Variants in UBR2 observed in about 807,000 individuals in gnomAD.
UBR2 encodes the protein ubiquitin protein ligase E3 component n-recognin 2.
A neutral mutation model predicts 247.9 loss-of-function variants in UBR2; 92 were observed. The observed-to-expected ratio is 0.37, with a 90% CI of 0.31 to 0.44. The LOEUF is 0.44. Among genes scored for constraint, UBR2 ranks in the 20% least tolerant of loss-of-function variants. The probability of loss-of-function intolerance (pLI) is 1.00; values close to 1 mark genes in which losing one functional copy is unlikely to be tolerated. For missense variants in UBR2, 1,613 were observed against 2,112.6 expected (o/e 0.76, Z 4.64); for synonymous variants, 672 against 693.5 (o/e 0.97, Z 0.49).
intron 11 of UBR2, among the ~76,000 whole-genome samples, chr6:42,630,191 T>TC (rs1795622751): frequency 6.6e-6 from 1 of 151,478 alleles, no homozygotes; most frequent in Non-Finnish European, 1.5e-5. Context: ...TTTACTTTTT[T>TC]TTTTTTTTTA....
chr6:42,621,040 C>G (rs1285308435), intron 11 of UBR2, among the ~76,000 whole-genome samples: 1 of 152,116 alleles, frequency 6.6e-6, no homozygotes, highest in African/African-American at 2.4e-5. Flanking sequence ...ACAGACTGGT[C>G]TCAAACTTCT....
intron 42 of UBR2, among the ~76,000 whole-genome samples, chr6:42,680,934 C>T (rs58031590): frequency 0.24 from 37,124 of 151,730 alleles, 4,654 homozygotes; most frequent in African/African-American, 0.31. Context: ...GAGGCCCAGA[C>T]GGGCGGATCA....
intron 42 of UBR2, among the ~76,000 whole-genome samples, chr6:42,681,095 G>A (rs944518079): frequency 3.3e-5 from 5 of 151,128 alleles, no homozygotes; most frequent in Admixed American, 6.6e-5. Flanking sequence ...CCCGGGAGGC[G>A]GAGCTTGCAG....
intron 4 of UBR2, 47 bp from the exon 5 acceptor site, chr6:42,603,541 T>A: frequency 6.8e-7 from 1 of 1,477,320 alleles, no homozygotes; most frequent in South Asian, 1.4e-5. Flanking sequence ...TTAATGTACA[T>A]GATTGCCCTT....
intron 11 of UBR2, 72 bp from the exon 12 acceptor site, chr6:42,632,480 G>A: frequency 7.4e-7 from 1 of 1,350,790 alleles, no homozygotes; most frequent in South Asian, 1.8e-5. Flanking sequence ...AAACAATGTT[G>A]GTGACTTTTT....
chr6:42,580,520 A>G (rs1791811775), intron 2 of UBR2, among the ~76,000 whole-genome samples: 1 of 151,776 alleles, frequency 6.6e-6, no homozygotes, highest in African/African-American at 2.4e-5. Context: ...ATATTTACAT[A>G]TGTCAAAAGA....
chr6:42,571,754 AAAG>A (rs1180356476), intron 1 of UBR2, among the ~76,000 whole-genome samples: 1 of 151,608 alleles, frequency 6.6e-6, no homozygotes, highest in East Asian at 1.9e-4. Flanking sequence ...AAAAAAAAAA[AAAG>A]CGCTTAGGAT....
chr6:42,664,672 C>T (rs1314351651), intron 32 of UBR2, among the ~76,000 whole-genome samples: 2 of 152,206 alleles, frequency 1.3e-5, no homozygotes, highest in East Asian at 3.8e-4. Flanking sequence ...GTGGTACTGA[C>T]TTATCTGCAT....
Position 42,659,682 on chromosome 6 carries a change from C to T in UBR2, c.3269C>T (p.Thr1090Ile), listed in dbSNP as rs764143663. ...HSPVASDMTLTALGPAQTQVP... is the reference protein window; with the variant it reads ...HSPVASDMTLIALGPAQTQVP... ...CCTGTGGCTTCAGATATGACACTTA[C>T]AGCACTGGGCCCCGCACAAACTCAG... is the stretch of plus-strand genomic sequence containing the variant. Residue 1090 changes from threonine to isoleucine, a missense_variant, in exon 30 of 47, where the codon ACA becomes ATA. Thr to Ile is a moderately conservative substitution (Grantham distance 89). Around this residue, in one of 3 missense-constraint regions of UBR2, gnomAD observed 1,524 missense variants for 1,967.3 expected, o/e 0.77. Transcript: ENST00000372901. This position sits in a 1 kb window ranked among gnomAD's most constrained non-coding sequence, Gnocchi z 4.3. 1 of 1,613,798 alleles carries T rather than the reference C, an allele frequency of 6.2e-7. No individual in the cohort carries two copies. Among genetic ancestry groups the T allele is most frequent in the South Asian group, 1.1e-5 (1 of 91,048 alleles).
rs943002905 is a variant in UBR2, at chr6:42,666,213, C to T, written c.3849C>T (p.Leu1283=). Residue 1283 remains leucine, a synonymous_variant, in exon 34 of 47, where the codon CTC becomes CTT. Transcript: ENST00000372901. The part of the protein sequence containing the change: ...KNSENVDELQ[L]PEGFRPDFRP... ...CAGAAAATGTGGATGAATTACAGCT[C>T]CCTGAAGGGTTCAGGCCTGATTTTC... The T allele has an allele frequency of 1.1e-5, 17 of 1,612,846 alleles. No individual in the cohort carries two copies. Among genetic ancestry groups the T allele is most frequent in the Non-Finnish European group, 1.4e-5 (17 of 1,179,416 alleles).
chr6:42,604,044 A>G (rs975917910), intron 5 of UBR2, among the ~76,000 whole-genome samples: 4 of 152,164 alleles, frequency 2.6e-5, no homozygotes, highest in Admixed American at 2.0e-4. Flanking sequence ...TTTGTTTATT[A>G]TATGTTAATA....
chr6:42,614,326 G>GTATA (rs1554250274), intron 8 of UBR2, among the ~76,000 whole-genome samples: 3 of 65,426 alleles, frequency 4.6e-5, no homozygotes, highest in South Asian at 5.1e-4. Context: ...ATGTATATAT[G>GTATA]TGTATATGTG....
At chr6:42,650,170 A>C in intron 22 of UBR2, 114 bp from the exon 23 acceptor site, 1 of 783,992 alleles carries the variant, frequency 1.3e-6, no homozygotes, top group Non-Finnish European at 2.0e-6. Context: ...TTGTAGCTTA[A>C]CACCCACCAG....
intron 11 of UBR2, among the ~76,000 whole-genome samples, chr6:42,623,012 C>T (rs1028229662): frequency 2.6e-5 from 4 of 152,030 alleles, no homozygotes; most frequent in African/African-American, 9.7e-5. Flanking sequence ...AATCATATCA[C>T]TTGTCATTCA....
intron 13 of UBR2, among the ~76,000 whole-genome samples, chr6:42,633,274 A>T (rs1039737936): frequency 1.3e-5 from 2 of 152,152 alleles, no homozygotes; most frequent in African/African-American, 4.8e-5. Flanking sequence ...GATGGCTGCA[A>T]TTCTGACCAG....
intron 2 of UBR2, among the ~76,000 whole-genome samples, chr6:42,590,062 C>T (rs565937935): frequency 2.6e-5 from 4 of 151,990 alleles, no homozygotes; most frequent in East Asian, 1.9e-4. Flanking sequence ...TGTTCCATTC[C>T]GAAGACTCCA....
chr6:42,627,284 A>C (rs116232742), intron 11 of UBR2, among the ~76,000 whole-genome samples: 1,930 of 152,196 alleles, frequency 0.013, 23 homozygotes, highest in Non-Finnish European at 0.018. Context: ...TCTGAAAAAT[A>C]CCTCAAACAC....
At chr6:42,572,832 G>A (rs1240895070) in intron 1 of UBR2, among the ~76,000 whole-genome samples, 4 of 152,052 alleles carry the variant, frequency 2.6e-5, no homozygotes, top group Non-Finnish European at 4.4e-5. Context: ...AGCCTCTTGA[G>A]TAACTGTGAT....
chr6:42,587,408 A>T (rs1472881213), intron 2 of UBR2, among the ~76,000 whole-genome samples: 1 of 151,682 alleles, frequency 6.6e-6, no homozygotes, highest in Admixed American at 6.6e-5. Flanking sequence ...CCCAGGCTGG[A>T]GTATAGTGGC....
Sources: allele counts gnomAD v4.1 joint callset (sites outside exome capture counted in the v4.1 genomes callset), GRCh38; gene constraint gnomAD v4.1.1; regional missense constraint gnomAD v4.1.1; non-coding constraint Gnocchi (gnomAD v3.1); transcripts MANE v1.5; gene names NCBI Gene and HGNC (gene_info 2026-07-23, HGNC 2026-07-21).